The following ZSCAN4 variants were observed in gnomAD, a reference collection of about 807,000 sequenced individuals.
The protein encoded by ZSCAN4 is zinc finger and SCAN domain-containing protein 4.
ZSCAN4 carries 18 observed loss-of-function variants against 18.3 expected under a neutral mutation model. The observed-to-expected ratio is 0.98, with a 90% confidence interval of 0.68 to 1.46. ZSCAN4 has a LOEUF of 1.46. ZSCAN4 is among the 40% of genes most tolerant of loss of function. ZSCAN4 has a pLI of 0.00. For synonymous variants in ZSCAN4, 193 were observed against 180.3 expected, an observed-to-expected ratio of 1.07 and a Z score of -0.57; for missense variants, 498 against 511.4, an observed-to-expected ratio of 0.97 and a Z score of 0.25.
chr19:57,676,301 C>G (rs1373413160), exon 3 of ZSCAN4: 3 of 1,614,050 alleles, frequency 1.9e-6, no homozygotes, highest in Non-Finnish European at 2.5e-6. Context: ...CATTTCAAGA[C>G]AGCAATAATT....
At chr19:57,668,778 T>A (rs539167039), upstream of ZSCAN4, among the ~76,000 whole-genome samples, 15 of 152,304 alleles carry the variant, frequency 9.8e-5, no homozygotes, top group African/African-American at 3.4e-4. Flanking sequence ...ATATAAAATA[T>A]GCACCAATTT....
chr19:57,664,263 C>T (rs1192059314), upstream of ZSCAN4: 1 of 105,554 alleles, frequency 9.5e-6, no homozygotes, highest in South Asian at 2.9e-4. Flanking sequence ...GGTCGGGGGT[C>T]GGGGTCGGGC....
At chr19:57,663,867 C>T in the ZSCAN4 span, among the ~76,000 whole-genome samples, 3 of 152,142 alleles carry the variant, frequency 2.0e-5, no homozygotes, top group African/African-American at 7.2e-5. Flanking sequence ...TGGCTCACGC[C>T]TGTAATCCCA....
At chr19:57,659,601 C>G in the ZSCAN4 span, among the ~76,000 whole-genome samples, 3 of 152,154 alleles carry the variant, frequency 2.0e-5, no homozygotes, top group Non-Finnish European at 2.9e-5. Flanking sequence ...ATATGACATA[C>G]CAATTTCCTA....
upstream of ZSCAN4, chr19:57,664,590 A>G (rs557697993): frequency 2.3e-3 from 364 of 161,204 alleles, 1 homozygote; most frequent in African/African-American, 8.3e-3. Context: ...GGGAGCGCTC[A>G]GCGGTAAAGA....
chr19:57,677,955 G>C lies in ZSCAN4; in HGVS notation c.438G>C (p.Glu146Asp), dbSNP rs749497167. 19 of 1,580,726 alleles carry C rather than the reference G, an allele frequency of 1.2e-5. No individual in the cohort carries two copies. The African/African-American group carries it at 2.6e-4, about 22-fold the overall frequency. Residue 146 changes from glutamate to aspartate, a missense_variant, in exon 4 of 5, where the codon GAG becomes GAC. Glu to Asp is a conservative substitution (Grantham distance 45). Coordinates refer to ENST00000318203, the Ensembl canonical transcript of ZSCAN4. The stretch of plus-strand genomic sequence containing the variant: ...AGGGACAGGAAGCTCTCTTTTCTGA[G>C]GATATGCCCTTAAGAGATGTCATTG...
the ZSCAN4 span, among the ~76,000 whole-genome samples, chr19:57,656,164 AG>A: frequency 4.6e-5 from 7 of 152,284 alleles, no homozygotes; most frequent in Admixed American, 2.6e-4. Context: ...CTACCATTAG[AG>A]GCCACCATTA....
At chr19:57,657,796 A>G in the ZSCAN4 span, among the ~76,000 whole-genome samples, 1 of 152,200 alleles carries the variant, frequency 6.6e-6, no homozygotes, top group African/African-American at 2.4e-5. Flanking sequence ...CATAATTTAA[A>G]TTATAATTTA....
exon 3 of ZSCAN4, chr19:57,676,064 A>G: frequency 7.3e-7 from 1 of 1,364,040 alleles, no homozygotes; most frequent in Non-Finnish European, 9.9e-7. Context: ...AGAATCCACC[A>G]ACTGTTGAAA....
At chr19:57,673,066 T>G (rs1040558702) in intron 2 of ZSCAN4, among the ~76,000 whole-genome samples, 1 of 152,140 alleles carries the variant, frequency 6.6e-6, no homozygotes, top group Non-Finnish European at 1.5e-5. Context: ...TTATTTATTT[T>G]GAGATGGAGT....
the ZSCAN4 span, among the ~76,000 whole-genome samples, chr19:57,651,978 G>C: frequency 6.6e-6 from 1 of 152,028 alleles, no homozygotes; most frequent in Non-Finnish European, 1.5e-5. Context: ...GGGTAACCCT[G>C]ACCTGCCTTC....
rs1283040854 is a variant in ZSCAN4, at chr19:57,668,979, AGTTTGTCAT to A, written c.-648_-640del. The A allele has an allele frequency of 6.6e-6, 1 of 151,606 alleles. No individual in the cohort carries two copies. The highest frequency in any genetic ancestry group is 1.5e-5 in the Non-Finnish European group (1 of 67,948). 9.4% of individuals were successfully genotyped at this position (151,606 alleles called of 1,614,324 possible). Reference sequence around the variant, plus strand: ...CTGAAAACTTAAAAGTTTGAGCAAAAGTTTGTCATGTTTCTATGAGTAATTTATAATAAA... The same window carrying A: ...CTGAAAACTTAAAAGTTTGAGCAAAAGTTTCTATGAGTAATTTATAATAAA... On this transcript the variant is annotated 5_prime_UTR_variant, in exon 1 of 5. The change abolishes an upstream ATG in the 5' untranslated region. Transcript: ENST00000318203.
chr19:57,674,219 T>C (rs1210727701), intron 2 of ZSCAN4, among the ~76,000 whole-genome samples: 1 of 152,220 alleles, frequency 6.6e-6, no homozygotes, highest in Non-Finnish European at 1.5e-5. Flanking sequence ...GCATGTTTGT[T>C]ACAAAAGTAT....
intron 1 of ZSCAN4, among the ~76,000 whole-genome samples, chr19:57,669,797 A>C (rs2122291307): frequency 6.6e-6 from 1 of 151,848 alleles, no homozygotes; most frequent in South Asian, 2.1e-4. Context: ...GGCGGTCATA[A>C]TCCACTGTAG....
chr19:57,676,096 C>T, exon 3 of ZSCAN4: 1 of 1,526,566 alleles, frequency 6.6e-7, no homozygotes, highest in Non-Finnish European at 8.8e-7. Context: ...AGACACAAGG[C>T]AAGAGACTGA....
At chr19:57,653,091 G>A in the ZSCAN4 span, among the ~76,000 whole-genome samples, 1 of 152,180 alleles carries the variant, frequency 6.6e-6, no homozygotes, top group Non-Finnish European at 1.5e-5. Flanking sequence ...AAGATCATAA[G>A]ATAACATGCC....
At chr19:57,673,699 C>T (rs1270859474) in intron 2 of ZSCAN4, among the ~76,000 whole-genome samples, 2 of 152,058 alleles carry the variant, frequency 1.3e-5, no homozygotes, top group African/African-American at 4.8e-5. Context: ...CCCCTGGCAA[C>T]CACCCTTCTA....
intron 2 of ZSCAN4, 96 bp downstream of exon 2, chr19:57,670,663 T>C (rs1246259505): frequency 6.6e-6 from 1 of 152,214 alleles, no homozygotes; most frequent in Admixed American, 6.5e-5. Context: ...TCTTTGAGTG[T>C]GTATACATGT....
At chr19:57,671,711 G>A (rs922158479) in intron 2 of ZSCAN4, among the ~76,000 whole-genome samples, 3 of 152,146 alleles carry the variant, frequency 2.0e-5, no homozygotes, top group African/African-American at 4.8e-5. Flanking sequence ...ACGTTGACTG[G>A]AAGCATTATG....
Sources: allele counts gnomAD v4.1 joint callset (sites outside exome capture counted in the v4.1 genomes callset), GRCh38; gene constraint gnomAD v4.1.1; transcripts MANE v1.5; gene names NCBI Gene and HGNC (gene_info 2026-07-23, HGNC 2026-07-21).